The following SASH1 variants were observed in gnomAD, a reference collection of about 807,000 sequenced individuals.
SASH1 encodes SAM and SH3 domain containing 1.
Under a neutral mutation model 125.2 loss-of-function variants are expected in SASH1, and 44 were observed. The observed-to-expected ratio is 0.35, with a 90% confidence interval of 0.28 to 0.45. SASH1 has a LOEUF of 0.45. Ranked by LOEUF, SASH1 falls within the 20% of genes least tolerant of loss-of-function variation. The pLI is 1.00. For synonymous variants in SASH1, 639 were observed against 649.1 expected, an observed-to-expected ratio of 0.98 and a Z score of 0.24; for missense variants, 1,426 against 1,614.5, an observed-to-expected ratio of 0.88 and a Z score of 2.00.
chr6:148,534,965 T>C, intron 16 of SASH1, 64 bp downstream of exon 16: 2 of 1,530,014 alleles, frequency 1.3e-6, no homozygotes, highest in East Asian at 2.3e-5. Context: ...CCACGTATGC[T>C]GCCAGTATGT....
rs958201488 is a variant in SASH1 at position 148,519,239 on chromosome 6, G to A, written c.863-308G>A. ...TACAAACTGCAGAGGGCATTATCTC[G>A]AAATGCTAAGGCATATTGTGATTAT... On this transcript the variant is annotated intron_variant, in intron 9 of 19. Coordinates refer to ENST00000367467, the MANE Select transcript of SASH1 (RefSeq NM_015278.5). The surrounding 1 kb of genome is among the most constrained non-coding windows in gnomAD (Gnocchi z 4.8). 6.6e-6 allele frequency among the ~76,000 whole-genome samples: 1 copy of A among 152,160 alleles called. No individual in the cohort carries two copies. Among genetic ancestry groups the A allele is most frequent in the African/African-American group, 2.4e-5 (1 of 41,440 alleles).
chr6:148,413,261 G>A (rs541293191), intron 2 of SASH1, among the ~76,000 whole-genome samples: 20 of 152,294 alleles, frequency 1.3e-4, no homozygotes, highest in African/African-American at 4.3e-4. Flanking sequence ...AATGACCCAA[G>A]GATTATGCTC....
the SASH1 span, among the ~76,000 whole-genome samples, chr6:148,258,262 G>C: frequency 2.6e-5 from 4 of 152,056 alleles, no homozygotes; most frequent in South Asian, 8.3e-4. Context: ...GTGCTAGATT[G>C]AGCCATTTTC....
At chr6:148,467,006 GCCCAAGGATACTGTATTTT>G (rs1390385187) in intron 4 of SASH1, among the ~76,000 whole-genome samples, 1 of 149,082 alleles carries the variant, frequency 6.7e-6, no homozygotes, top group Non-Finnish European at 1.5e-5. Flanking sequence ...TTGGCTGTAA[GCCCAAGGATACTGTATTTT>G]CCTTCTGGGA....
the SASH1 span, among the ~76,000 whole-genome samples, chr6:148,264,727 C>G: frequency 6.6e-6 from 1 of 152,252 alleles, no homozygotes; most frequent in Admixed American, 6.5e-5. Flanking sequence ...TCTTCCCACA[C>G]TCAGAGCAGC....
intron 9 of SASH1, among the ~76,000 whole-genome samples, chr6:148,518,983 G>C (rs148149081): frequency 1.3e-3 from 198 of 152,282 alleles, no homozygotes; most frequent in Non-Finnish European, 2.2e-3. Flanking sequence ...CTGTCAGCTG[G>C]AGACGATGTG....
intron 8 of SASH1, among the ~76,000 whole-genome samples, chr6:148,498,234 C>CAA (rs67287043): frequency 7.5e-6 from 1 of 133,470 alleles, no homozygotes; most frequent in African/African-American, 2.7e-5. Flanking sequence ...AACAAACAAA[C>CAA]AAAAAAAAAA....
intron 1 of SASH1, among the ~76,000 whole-genome samples, chr6:148,383,261 GA>G (rs1288388367): frequency 6.6e-6 from 1 of 152,106 alleles, no homozygotes; most frequent in African/African-American, 2.4e-5. Flanking sequence ...AACACCTTGG[GA>G]AGTCATTCAA....
chr6:148,339,168 A>T (rs1389965200), upstream of SASH1, among the ~76,000 whole-genome samples: 1 of 152,108 alleles, frequency 6.6e-6, no homozygotes, highest in African/African-American at 2.4e-5. Context: ...GATAAGTAGA[A>T]AGTAGCTGGG....
At chr6:148,229,918 G>C in the SASH1 span, among the ~76,000 whole-genome samples, 1 of 151,984 alleles carries the variant, frequency 6.6e-6, no homozygotes. Context: ...CGCCATGTTA[G>C]CCAGGCTGGT....
chr6:148,443,770 A>G (rs1037555488), intron 4 of SASH1, among the ~76,000 whole-genome samples: 1 of 152,164 alleles, frequency 6.6e-6, no homozygotes, highest in Non-Finnish European at 1.5e-5. Flanking sequence ...TAATTTGAAT[A>G]GGTTTGATGC....
chr6:148,408,669 A>G (rs1320101857), intron 2 of SASH1, among the ~76,000 whole-genome samples: 1 of 152,140 alleles, frequency 6.6e-6, no homozygotes, highest in Non-Finnish European at 1.5e-5. Context: ...AAACGTTTTC[A>G]TAATTCTGAT....
intron 10 of SASH1, among the ~76,000 whole-genome samples, chr6:148,521,816 T>G (rs1780829899): frequency 6.6e-6 from 1 of 152,242 alleles, no homozygotes; most frequent in Admixed American, 6.5e-5. Context: ...CTTGTATGTT[T>G]TGACATGACC....
intron 1 of SASH1, among the ~76,000 whole-genome samples, chr6:148,355,132 G>T (rs760500801): frequency 1.3e-5 from 2 of 152,168 alleles, no homozygotes; most frequent in Non-Finnish European, 2.9e-5. Flanking sequence ...ACAGGAATTT[G>T]AAATCTTTGG....
the SASH1 span, among the ~76,000 whole-genome samples, chr6:148,250,968 G>GTGTGC: frequency 6.6e-6 from 1 of 152,192 alleles, no homozygotes; most frequent in African/African-American, 2.4e-5. Flanking sequence ...TATTCATAAT[G>GTGTGC]TGTGCCTAGC....
At chr6:148,317,845 A>G (rs1261199870) in intron 1 of SASH1, among the ~76,000 whole-genome samples, 1 of 152,224 alleles carries the variant, frequency 6.6e-6, no homozygotes, top group Admixed American at 6.5e-5. Context: ...AAATGCTATA[A>G]TATCTCAACC....
chr6:148,384,499 A>G (rs2114797085), intron 1 of SASH1, among the ~76,000 whole-genome samples: 1 of 152,338 alleles, frequency 6.6e-6, no homozygotes, highest in Middle Eastern at 3.4e-3. Flanking sequence ...AGTGCTTGAC[A>G]TTAGTATGGT....
intron 7 of SASH1, among the ~76,000 whole-genome samples, chr6:148,475,767 C>A (rs972313976): frequency 3.3e-5 from 5 of 152,066 alleles, no homozygotes; most frequent in Non-Finnish European, 5.9e-5. Context: ...TGTTCTGAGA[C>A]CCCCAGTGGA....
intron 1 of SASH1, among the ~76,000 whole-genome samples, chr6:148,337,808 A>G (rs1414004445): frequency 6.6e-6 from 1 of 152,250 alleles, no homozygotes; most frequent in Non-Finnish European, 1.5e-5. Flanking sequence ...TAAATTATCA[A>G]CATTCTTAAT....
Sources: allele counts gnomAD v4.1 joint callset (sites outside exome capture counted in the v4.1 genomes callset), GRCh38; gene constraint gnomAD v4.1.1; non-coding constraint Gnocchi (gnomAD v3.1); transcripts MANE v1.5; gene names NCBI Gene and HGNC (gene_info 2026-07-23, HGNC 2026-07-21).